The following BRAP variants were observed in gnomAD, a reference collection of about 807,000 sequenced individuals.
BRAP encodes the protein BRCA1-associated protein.
BRAP carries 42 observed loss-of-function variants against 73.4 expected under a neutral mutation model. The ratio of observed to expected loss-of-function variants is 0.57; its 90% CI spans 0.45 to 0.74. The LOEUF is 0.74. Ranked by LOEUF, BRAP falls within the 30% of genes least tolerant of loss-of-function variation. The pLI is 0.00. For missense variants in BRAP, 593 were observed against 751.4 expected (o/e 0.79, Z 2.46); for synonymous variants, 255 against 267.4 (o/e 0.95, Z 0.45).
At chr12:111,680,257 G>A (rs1043643813) in intron 3 of BRAP, among the ~76,000 whole-genome samples, 1 of 151,980 alleles carries the variant, frequency 6.6e-6, no homozygotes, top group African/African-American at 2.4e-5. Flanking sequence ...CCCGGCAAGA[G>A]AGAATTCTAA....
chr12:111,674,051 T>C (rs1287128651), intron 4 of BRAP, among the ~76,000 whole-genome samples: 1 of 152,202 alleles, frequency 6.6e-6, no homozygotes, highest in Non-Finnish European at 1.5e-5. Flanking sequence ...GACAGGCTGC[T>C]TCTGGGAATT....
At chr12:111,664,084 G>T (rs935546894) in intron 6 of BRAP, among the ~76,000 whole-genome samples, 14 of 152,208 alleles carry the variant, frequency 9.2e-5, no homozygotes, top group African/African-American at 3.4e-4. Flanking sequence ...CCAGCACTTT[G>T]CGAGGCCAAG....
intron 1 of BRAP, among the ~76,000 whole-genome samples, chr12:111,683,523 G>C (rs1348319541): frequency 6.6e-6 from 1 of 152,160 alleles, no homozygotes; most frequent in Admixed American, 6.5e-5. Context: ...ATGCAGGGCT[G>C]TTCTACTGAA....
Position 111,642,398 on chromosome 12 carries a change from C to G in BRAP, c.*1801G>C, listed in dbSNP as rs924389236. On this transcript the variant is annotated 3_prime_UTR_variant, in exon 12 of 12. Coordinates refer to ENST00000419234, the MANE Select transcript of BRAP (RefSeq NM_006768.5). ...GGAAACACTTGCCTATTTGCTCATT[C>G]CTCTGGGCACAGCCTTTCAGAGCAT... 1.3e-5 allele frequency: 2 copies of G among 151,312 alleles called. No individual in the cohort carries two copies. Among genetic ancestry groups the G allele is most frequent in the Non-Finnish European group, 2.9e-5 (2 of 67,912 alleles). The allele number at this position is 151,312 out of a possible 1,614,324, so 9.4% of individuals were successfully genotyped here. A position where few individuals can be genotyped will look rare whatever the true frequency, so the allele number is the denominator to read the frequency against.
chr12:111,652,763 T>C (rs1839365675), intron 10 of BRAP, among the ~76,000 whole-genome samples: 1 of 152,080 alleles, frequency 6.6e-6, no homozygotes, highest in South Asian at 2.1e-4. Flanking sequence ...CAGGCTGGAA[T>C]GCAGTGGCGT....
intron 10 of BRAP, among the ~76,000 whole-genome samples, chr12:111,652,634 G>A (rs1158316618): frequency 6.6e-6 from 1 of 152,214 alleles, no homozygotes; most frequent in African/African-American, 2.4e-5. Flanking sequence ...CCAGCCCTCT[G>A]GGAGGGCCGT....
intron 6 of BRAP, among the ~76,000 whole-genome samples, chr12:111,662,250 T>C (rs1167124657): frequency 1.3e-5 from 2 of 151,976 alleles, no homozygotes; most frequent in African/African-American, 4.8e-5. Flanking sequence ...GAAGAAACAA[T>C]GCTCAAGATA....
intron 4 of BRAP, chr12:111,673,192 G>A (rs750929977): frequency 3.3e-4 from 53 of 161,828 alleles, no homozygotes; most frequent in Non-Finnish European, 5.1e-4. Flanking sequence ...CGCTTGTTAT[G>A]AAAGAACTCT....
chr12:111,665,614 AG>A lies in BRAP; in HGVS notation c.896+24del. 6.2e-7 allele frequency: 1 copy of A among 1,613,840 alleles called. No individual in the cohort carries two copies. The highest frequency in any genetic ancestry group is 8.5e-7 in the Non-Finnish European group (1 of 1,179,790). Reference sequence around the variant, plus strand: ...GAAGGGTTGCAATGGGCTTGTACACAGAGGGGTTCGGCCCCTGCACTCACGT... The same window carrying A: ...GAAGGGTTGCAATGGGCTTGTACACAAGGGGTTCGGCCCCTGCACTCACGT... On this transcript the variant is annotated intron_variant, in intron 6 of 11. Coordinates refer to ENST00000419234, the MANE Select transcript of BRAP (RefSeq NM_006768.5). This position sits in a 1 kb window ranked among gnomAD's most constrained non-coding sequence, Gnocchi z 4.3.
Position 111,683,144 on chromosome 12 carries a change from A to C in BRAP, c.244+2T>G. On this transcript the variant is annotated splice_donor_variant, in intron 2 of 11. Transcript: ENST00000419234. LOFTEE classifies it high-confidence loss of function. ...GAGAGTCCAGGGTTTTAGAAAGCATACCTGGGTTGGACTTCATGGTCTCAA... is the reference window on the plus strand; with the variant it reads ...GAGAGTCCAGGGTTTTAGAAAGCATCCCTGGGTTGGACTTCATGGTCTCAA... The C allele has an allele frequency of 6.2e-7, 1 of 1,612,686 alleles. No individual in the cohort carries two copies. Among genetic ancestry groups the C allele is most frequent in the Non-Finnish European group, 8.5e-7 (1 of 1,179,560 alleles).
rs111907950 is a variant in BRAP, at chr12:111,665,993, C to A, written c.748-206G>T. 3.0e-3 allele frequency among the ~76,000 whole-genome samples: 459 copies of A among 152,344 alleles called. No homozygotes were observed. The highest frequency in any genetic ancestry group is 5.8e-3 in the Non-Finnish European group (395 of 68,030). The stretch of plus-strand genomic sequence containing the variant: ...CAGTAGCTGGGACTACAGGCATGAG[C>A]CACTGTGCCAGGCCTTTCTTCTTTT... On this transcript the variant is annotated intron_variant, in intron 5 of 11. Coordinates refer to ENST00000419234, the MANE Select transcript of BRAP (RefSeq NM_006768.5). The surrounding 1 kb of genome is among the most constrained non-coding windows in gnomAD (Gnocchi z 4.3).
At chr12:111,671,506 T>G (rs940664912) in intron 5 of BRAP, among the ~76,000 whole-genome samples, 1 of 150,706 alleles carries the variant, frequency 6.6e-6, no homozygotes, top group Non-Finnish European at 1.5e-5. Context: ...GCCAAGAGAG[T>G]GCCACTGCAC....
chr12:111,653,958 G>A lies in BRAP; in HGVS notation c.1311+1608C>T, dbSNP rs181878771. 7.2e-4 allele frequency among the ~76,000 whole-genome samples: 109 copies of A among 152,292 alleles called. 1 individual carries two copies. Among genetic ancestry groups the A allele is most frequent in the African/African-American group, 2.6e-3 (107 of 41,564 alleles). On this transcript the variant is annotated intron_variant, in intron 10 of 11. Coordinates refer to ENST00000419234, the MANE Select transcript of BRAP (RefSeq NM_006768.5). ...TCAGTGTTTCGTTTTCCTGCCCCTT[G>A]ACTTGCTTTTCAATCCTAGAGGGCA...
At position 111,665,680 on chromosome 12, in the gene BRAP, G is replaced by A; in HGVS notation, c.855C>T (p.His285=). Residue 285 remains histidine (H), a synonymous_variant, in exon 6 of 12, where the codon CAC becomes CAT. Coordinates refer to ENST00000419234, the MANE Select transcript of BRAP (RefSeq NM_006768.5). This position sits in a 1 kb window ranked among gnomAD's most constrained non-coding sequence, Gnocchi z 4.3. ...VNGILTTLCN[H]SFHSQCLQRW... ...GCTGTAGACACTGGCTGTGGAAGCT[G>A]TGGTTACATAACGTTGTGAGGATGC... 6.2e-7 allele frequency: 1 copy of A among 1,614,222 alleles called. No individual in the cohort carries two copies. Among genetic ancestry groups the A allele is most frequent in the South Asian group, 1.1e-5 (1 of 91,088 alleles).
intron 3 of BRAP, 82 bp downstream of exon 3, chr12:111,681,555 C>T: frequency 1.8e-5 from 21 of 1,150,726 alleles, no homozygotes; most frequent in Admixed American, 2.8e-5. Context: ...CACTTTCCTT[C>T]AGGACAAGAG....
intron 5 of BRAP, among the ~76,000 whole-genome samples, chr12:111,671,106 AAAAAAGAAAGG>A (rs1295790006): frequency 6.6e-6 from 1 of 151,700 alleles, no homozygotes; most frequent in Admixed American, 6.6e-5. Flanking sequence ...GTCTCCAAAA[AAAAAAGAAAGG>A]AAAAAGAAAT....
intron 3 of BRAP, among the ~76,000 whole-genome samples, chr12:111,680,623 G>A (rs1251055843): frequency 2.0e-5 from 3 of 151,898 alleles, no homozygotes; most frequent in African/African-American, 7.3e-5. Flanking sequence ...AACCCGGGAG[G>A]GGAGGTTGCA....
intron 4 of BRAP, among the ~76,000 whole-genome samples, chr12:111,678,712 G>A (rs1270445726): frequency 2.1e-4 from 29 of 138,318 alleles, no homozygotes; most frequent in African/African-American, 6.8e-4. Flanking sequence ...TTTTTGAGAC[G>A]GAGTCTCACT....
intron 1 of BRAP, 141 bp from the exon 2 acceptor site, chr12:111,683,448 C>G: frequency 1.1e-6 from 1 of 932,886 alleles, no homozygotes; most frequent in Non-Finnish European, 1.6e-6. Flanking sequence ...CCATCTCACT[C>G]AACTCTGGGA....
Sources: allele counts gnomAD v4.1 joint callset (sites outside exome capture counted in the v4.1 genomes callset), GRCh38; gene constraint gnomAD v4.1.1; non-coding constraint Gnocchi (gnomAD v3.1); transcripts MANE v1.5; gene names NCBI Gene and HGNC (gene_info 2026-07-23, HGNC 2026-07-21).